Variants in NME7 observed in about 807,000 individuals in gnomAD.
NME7 encodes the protein NME/NM23 family member 7.
In NME7, 41 loss-of-function variants were observed where a neutral mutation model predicts 49.1. The observed-to-expected ratio is 0.83, with a 90% confidence interval of 0.65 to 1.08. NME7 has a LOEUF of 1.08. Among genes scored for constraint, NME7 ranks in the 50% least tolerant of loss-of-function variants. The pLI, the probability that NME7 is intolerant of heterozygous loss-of-function variation, is 0.00. For missense variants in NME7, 423 were observed against 463.4 expected (o/e 0.91, Z 0.80); for synonymous variants, 139 against 150.6 (o/e 0.92, Z 0.56).
intron 11 of NME7, 116 bp downstream of exon 11, chr1:169,169,331 T>G: frequency 1.2e-6 from 1 of 855,112 alleles, no homozygotes; most frequent in South Asian, 1.6e-5. Flanking sequence ...TCTCTGCACA[T>G]GTAACCTAGA....
intron 7 of NME7, among the ~76,000 whole-genome samples, chr1:169,241,308 T>C (rs1002611001): frequency 6.6e-6 from 1 of 151,176 alleles, no homozygotes; most frequent in Non-Finnish European, 1.5e-5. Context: ...TTGGTGCCAC[T>C]GCCTTGATTC....
intron 1 of NME7, among the ~76,000 whole-genome samples, chr1:169,328,759 A>G (rs1391181753): frequency 6.6e-6 from 1 of 152,212 alleles, no homozygotes; most frequent in South Asian, 2.1e-4. Context: ...TTTTGTCAAT[A>G]AAAATTTTAG....
At position 169,323,258 on chromosome 1, in the gene NME7, A is replaced by T. The variant is rs1651923983; in HGVS notation, c.137T>A (p.Phe46Tyr). 6.2e-7 allele frequency: 1 copy of T among 1,602,748 alleles called. No individual in the cohort carries two copies. The highest frequency in any genetic ancestry group is 8.5e-7 in the Non-Finnish European group (1 of 1,175,358). The change falls in exon 3 of 12, where the codon TTT (phenylalanine) becomes TAT (tyrosine). Residue 46 changes from phenylalanine to tyrosine, a missense_variant. Coordinates refer to ENST00000367811, the MANE Select transcript of NME7 (RefSeq NM_013330.5). ...GTTATCATATTTGGTCCGCTTTAAA[A>T]AGGTGCGATGATTCTTTACATCATG... ...EMHDVKNHRTFLKRTKYDNLH... is the reference protein window; with the variant it reads ...EMHDVKNHRTYLKRTKYDNLH...
At chr1:169,192,110 G>A (rs1390028931) in intron 10 of NME7, among the ~76,000 whole-genome samples, 1 of 152,220 alleles carries the variant, frequency 6.6e-6, no homozygotes, top group Non-Finnish European at 1.5e-5. Flanking sequence ...TCTCTAGTTA[G>A]TTCCTAGACT....
intron 4 of NME7, among the ~76,000 whole-genome samples, chr1:169,309,043 T>C (rs1261549466): frequency 6.6e-6 from 1 of 152,162 alleles, no homozygotes; most frequent in Non-Finnish European, 1.5e-5. Context: ...GTTATCCTTA[T>C]ATATTAAGAA....
Position 169,212,073 on chromosome 1 carries a change from G to A in NME7, c.990+18645C>T, listed in dbSNP as rs564733283. 2.0e-5 allele frequency among the ~76,000 whole-genome samples: 3 copies of A among 152,120 alleles called. No homozygotes were observed. The South Asian group carries it at 6.2e-4, about 32-fold the overall frequency. Reference sequence around the variant, plus strand: ...TAACACCAAAGCAAAAGAAATCCAAGACACACAGTTATTCTGAAATCTAAG... The same window carrying A: ...TAACACCAAAGCAAAAGAAATCCAAAACACACAGTTATTCTGAAATCTAAG... On this transcript the variant is annotated intron_variant, in intron 10 of 11. Transcript: ENST00000367811.
intron 10 of NME7, among the ~76,000 whole-genome samples, chr1:169,228,236 A>G (rs931590877): frequency 6.6e-6 from 1 of 152,088 alleles, no homozygotes; most frequent in South Asian, 2.1e-4. Flanking sequence ...ACAAATACTG[A>G]CATGGGCTCA....
At chr1:169,367,380 T>C (rs1012951057) in intron 1 of NME7, among the ~76,000 whole-genome samples, 103 of 152,274 alleles carry the variant, frequency 6.8e-4, no homozygotes, top group Middle Eastern at 3.4e-3. Context: ...ATAAAGCGCG[T>C]TAATGTGAAT....
intron 1 of NME7, among the ~76,000 whole-genome samples, chr1:169,365,403 T>C (rs1653813724): frequency 6.6e-6 from 1 of 152,194 alleles, no homozygotes; most frequent in South Asian, 2.1e-4. Context: ...CACGTTGGCC[T>C]GTAATAGGAG....
At chr1:169,159,720 T>C (rs2101832366) in intron 11 of NME7, among the ~76,000 whole-genome samples, 1 of 152,348 alleles carries the variant, frequency 6.6e-6, no homozygotes, top group Non-Finnish European at 1.5e-5. Context: ...TAAGAATCTC[T>C]GGCCAGGAGG....
At chr1:169,277,082 C>A (rs542201497) in intron 7 of NME7, among the ~76,000 whole-genome samples, 2 of 150,124 alleles carry the variant, frequency 1.3e-5, no homozygotes, top group Admixed American at 1.3e-4. Flanking sequence ...TTCTTTTACA[C>A]TTGCTGAGGA....
chr1:169,243,719 T>A (rs1392478741), intron 7 of NME7, among the ~76,000 whole-genome samples: 2 of 152,212 alleles, frequency 1.3e-5, no homozygotes, highest in African/African-American at 2.4e-5. Flanking sequence ...CTGCAGGACC[T>A]GATCTTGGAC....
At chr1:169,308,345 A>G (rs1003383001) in intron 4 of NME7, among the ~76,000 whole-genome samples, 1 of 152,228 alleles carries the variant, frequency 6.6e-6, no homozygotes, top group Non-Finnish European at 1.5e-5. Flanking sequence ...CAACTGACCC[A>G]TGGAATAAAT....
chr1:169,321,115 T>C (rs1192072398), intron 3 of NME7, among the ~76,000 whole-genome samples: 1 of 152,232 alleles, frequency 6.6e-6, no homozygotes, highest in Non-Finnish European at 1.5e-5. Flanking sequence ...CCTGACTCCC[T>C]AACTCACTTA....
chr1:169,255,569 A>G (rs1382908047), intron 7 of NME7, among the ~76,000 whole-genome samples: 25 of 123,974 alleles, frequency 2.0e-4, no homozygotes, highest in African/African-American at 4.8e-4. Flanking sequence ...TTACATTTAA[A>G]GTTAATATTG....
At chr1:169,160,145 T>A (rs1282062192) in intron 11 of NME7, among the ~76,000 whole-genome samples, 1 of 152,178 alleles carries the variant, frequency 6.6e-6, no homozygotes, top group Non-Finnish European at 1.5e-5. Flanking sequence ...CTGGGGTCTC[T>A]GTAGGTACCT....
At chr1:169,169,622 A>T in intron 10 of NME7, 68 bp from the exon 11 acceptor site, 1 of 1,368,444 alleles carries the variant, frequency 7.3e-7, no homozygotes, top group Non-Finnish European at 1.0e-6. Flanking sequence ...AACACTAGCT[A>T]TATGAAACGC....
At chr1:169,177,840 T>C (rs115984697) in intron 10 of NME7, among the ~76,000 whole-genome samples, 2,216 of 65,764 alleles carry the variant, frequency 0.034, 62 homozygotes, top group African/African-American at 0.077. Context: ...TCTTTTTTTG[T>C]TTTTTGTTTT....
intron 1 of NME7, among the ~76,000 whole-genome samples, chr1:169,348,264 C>T (rs1192131839): frequency 1.3e-5 from 2 of 151,160 alleles, no homozygotes; most frequent in Non-Finnish European, 1.5e-5. Context: ...TATATTACCT[C>T]ATGTAATTCA....
Sources: allele counts gnomAD v4.1 joint callset (sites outside exome capture counted in the v4.1 genomes callset), GRCh38; gene constraint gnomAD v4.1.1; transcripts MANE v1.5; gene names NCBI Gene and HGNC (gene_info 2026-07-23, HGNC 2026-07-21).